The following SATB2 variants were observed in gnomAD, a reference collection of about 807,000 sequenced individuals.
SATB2 encodes the protein SATB homeobox 2.
Under a neutral mutation model 73.4 loss-of-function variants are expected in SATB2, and 1 was observed. The ratio of observed to expected loss-of-function variants is 0.01; its 90% CI spans 0.00 to 0.06. The LOEUF (loss-of-function observed/expected upper bound fraction) is 0.06. Ranked by LOEUF, SATB2 falls within the 10% of genes least tolerant of loss-of-function variation. The pLI is 1.00. For missense variants in SATB2, 459 were observed against 945.8 expected (o/e 0.49, Z 6.75); for synonymous variants, 397 against 367.0 (o/e 1.08, Z -0.93).
intron 10 of SATB2, among the ~76,000 whole-genome samples, chr2:199,285,577 C>G (rs1011748795): frequency 6.6e-6 from 1 of 151,680 alleles, no homozygotes; most frequent in Admixed American, 6.6e-5. Context: ...CTCAGGAAAT[C>G]TGTTATTAAA....
At position 199,374,869 on chromosome 2, in the gene SATB2, G is replaced by A. The variant is rs562676315; in HGVS notation, c.597+5495C>T. Reference sequence around the variant, plus strand: ...ATGCCAGCTACTTGGGAGGCTGAGCGGGGAGAATTGCTTCTGCCCGGGAGG... The same window carrying A: ...ATGCCAGCTACTTGGGAGGCTGAGCAGGGAGAATTGCTTCTGCCCGGGAGG... On this transcript the variant is annotated intron_variant, in intron 5 of 10. Coordinates refer to ENST00000417098, the MANE Select transcript of SATB2 (RefSeq NM_001172509.2). Among the ~76,000 whole-genome samples the A allele has an allele frequency of 2.1e-4, 32 of 151,896 alleles. No individual in the cohort carries two copies. In the South Asian group the frequency reaches 4.0e-3, roughly 19 times the overall value.
intron 7 of SATB2, among the ~76,000 whole-genome samples, chr2:199,336,385 G>T (rs1574518531): frequency 6.6e-6 from 1 of 152,044 alleles, no homozygotes. Flanking sequence ...TTCCATGAAT[G>T]TTCCGTAAAA....
At chr2:199,409,404 A>T (rs112293293) in intron 3 of SATB2, among the ~76,000 whole-genome samples, 60 of 152,242 alleles carry the variant, frequency 3.9e-4, no homozygotes, top group African/African-American at 1.4e-3. Context: ...TCCGGACCTC[A>T]GGTGATCCTC....
At chr2:199,383,281 T>C (rs1027483278) in intron 3 of SATB2, among the ~76,000 whole-genome samples, 8 of 152,124 alleles carry the variant, frequency 5.3e-5, no homozygotes, top group African/African-American at 1.7e-4. Flanking sequence ...CTTGCGGGGA[T>C]AGTTTTCTTA....
chr2:199,458,636 C>T (rs989800161), upstream of SATB2: 29 of 438,456 alleles, frequency 6.6e-5, no homozygotes, highest in African/African-American at 4.7e-4. Flanking sequence ...GGTGCCGCGT[C>T]TGCCGGCGGA....
intron 5 of SATB2, among the ~76,000 whole-genome samples, chr2:199,371,354 A>G (rs1689440735): frequency 6.6e-6 from 1 of 152,158 alleles, no homozygotes; most frequent in African/African-American, 2.4e-5. Context: ...TCAACACTTA[A>G]TTAATGATAC....
At chr2:199,430,834 T>C (rs1053158237) in intron 3 of SATB2, among the ~76,000 whole-genome samples, 2 of 152,224 alleles carry the variant, frequency 1.3e-5, no homozygotes, top group Non-Finnish European at 2.9e-5. Flanking sequence ...TCTCCTCCTT[T>C]ACAGGCAATC....
intron 3 of SATB2, among the ~76,000 whole-genome samples, chr2:199,399,590 G>A (rs986415999): frequency 1.3e-5 from 2 of 152,158 alleles, no homozygotes; most frequent in African/African-American, 2.4e-5. Context: ...ATTGGCTCAC[G>A]GTTCCACAGA....
rs1690757960 is a variant in SATB2 at position 199,409,850 on chromosome 2, T to A, written c.346+23488A>T. Among the ~76,000 whole-genome samples the A allele has an allele frequency of 3.3e-5, 5 of 152,198 alleles. No homozygotes were observed. The South Asian group carries it at 1.0e-3, about 32-fold the overall frequency. ...AGGGGATAATGTTAAGAAATTTAAC[T>A]TGAAAAGAGTTTCCAGCTCATCTTC... On this transcript the variant is annotated intron_variant, in intron 3 of 10. Transcript: ENST00000417098.
At chr2:199,321,930 C>T (rs551273093) in intron 9 of SATB2, among the ~76,000 whole-genome samples, 75 of 152,270 alleles carry the variant, frequency 4.9e-4, no homozygotes, top group African/African-American at 1.7e-3. Context: ...ATCTTACCTT[C>T]AGCATATTAA....
chr2:199,425,537 G>T (rs369241610), intron 3 of SATB2, among the ~76,000 whole-genome samples: 1 of 152,034 alleles, frequency 6.6e-6, no homozygotes, highest in Non-Finnish European at 1.5e-5. Flanking sequence ...AAGTGAGATC[G>T]CACATTCATT....
intron 5 of SATB2, among the ~76,000 whole-genome samples, chr2:199,377,458 TA>T (rs1013674503): frequency 9.2e-5 from 14 of 152,332 alleles, no homozygotes; most frequent in Non-Finnish European, 1.8e-4. Flanking sequence ...AATTTTAAGA[TA>T]ATACAGAAGG....
At chr2:199,344,850 C>T (rs1688605186) in intron 7 of SATB2, among the ~76,000 whole-genome samples, 1 of 152,146 alleles carries the variant, frequency 6.6e-6, no homozygotes, top group African/African-American at 2.4e-5. Context: ...TCCTCAACAG[C>T]TAATCACTCT....
chr2:199,288,241 C>T (rs1038536624), intron 10 of SATB2, among the ~76,000 whole-genome samples: 1 of 152,090 alleles, frequency 6.6e-6, no homozygotes, highest in African/African-American at 2.4e-5. Context: ...AAAGCAGATA[C>T]CCAGTTTCAT....
At chr2:199,317,077 G>C (rs1687756992) in intron 9 of SATB2, among the ~76,000 whole-genome samples, 1 of 152,056 alleles carries the variant, frequency 6.6e-6, no homozygotes. Flanking sequence ...GGGCAGGGTA[G>C]TGGTTGGGGA....
chr2:199,428,417 C>T (rs1267440211), intron 3 of SATB2, among the ~76,000 whole-genome samples: 2 of 152,150 alleles, frequency 1.3e-5, no homozygotes, highest in African/African-American at 4.8e-5. Flanking sequence ...AAAAGTCCTA[C>T]CTTTTAGGGC....
intron 10 of SATB2, among the ~76,000 whole-genome samples, chr2:199,282,531 C>T (rs6735905): frequency 0.024 from 3,688 of 152,244 alleles, 161 homozygotes; most frequent in African/African-American, 0.085. Context: ...CTTACTCTCT[C>T]TGAGCCACAG....
At chr2:199,426,169 G>C (rs2105919611) in intron 3 of SATB2, among the ~76,000 whole-genome samples, 1 of 152,200 alleles carries the variant, frequency 6.6e-6, no homozygotes, top group East Asian at 1.9e-4. Flanking sequence ...AAAAACTGCT[G>C]AAAGTCTCCC....
chr2:199,381,925 C>A, intron 3 of SATB2, 105 bp from the exon 4 acceptor site: 1 of 1,302,138 alleles, frequency 7.7e-7, no homozygotes, highest in Non-Finnish European at 1.1e-6. Flanking sequence ...ACATCCAAGG[C>A]CCACTCAGAT....
Sources: gnomAD v4.1 joint callset for allele counts (sites outside exome capture counted in the v4.1 genomes callset) on GRCh38, gnomAD v4.1.1 for gene constraint, MANE v1.5 for transcripts, NCBI Gene and HGNC (gene_info 2026-07-23, HGNC 2026-07-21) for gene names.